Variants in FARS2 observed in about 807,000 individuals in gnomAD.
FARS2 encodes the protein phenylalanine--tRNA ligase, mitochondrial.
A neutral mutation model predicts 46.4 loss-of-function variants in FARS2; 40 were observed. The ratio of observed to expected loss-of-function variants is 0.86; its 90% confidence interval spans 0.67 to 1.12. The LOEUF (loss-of-function observed/expected upper bound fraction) is 1.12, where lower values mean the gene tolerates loss of function less well. FARS2 is among the 50% of genes most tolerant of loss of function. The pLI is 0.00. For synonymous variants in FARS2, 234 were observed against 214.9 expected (o/e 1.09, Z -0.78); for missense variants, 513 against 567.9 (o/e 0.90, Z 0.98).
At chr6:5,588,732 G>A (rs867713182) in intron 5 of FARS2, among the ~76,000 whole-genome samples, 2 of 152,158 alleles carry the variant, frequency 1.3e-5, no homozygotes, top group African/African-American at 4.8e-5. Context: ...TTATTTGATT[G>A]TCCACCAGGC....
At chr6:5,279,910 A>T (rs1183208141) in intron 1 of FARS2, among the ~76,000 whole-genome samples, 1 of 152,238 alleles carries the variant, frequency 6.6e-6, no homozygotes, top group African/African-American at 2.4e-5. Flanking sequence ...ATCCAGAAAC[A>T]TGCTCATAGA....
intron 4 of FARS2, among the ~76,000 whole-genome samples, chr6:5,462,710 A>G (rs751035329): frequency 2.6e-4 from 39 of 152,204 alleles, no homozygotes; most frequent in Non-Finnish European, 4.7e-4. Context: ...AGTCTTGACT[A>G]TTGAAGCTTT....
intron 4 of FARS2, among the ~76,000 whole-genome samples, chr6:5,481,270 G>A (rs998703482): frequency 6.6e-5 from 10 of 152,334 alleles, no homozygotes; most frequent in South Asian, 2.1e-4. Context: ...AGTGCCAGGC[G>A]GACGTGTTAA....
intron 3 of FARS2, among the ~76,000 whole-genome samples, chr6:5,410,747 C>G (rs1332799623): frequency 1.3e-5 from 2 of 152,078 alleles, no homozygotes; most frequent in Non-Finnish European, 2.9e-5. Context: ...GTGTTACAAT[C>G]TCTGTTTTTC....
At chr6:5,611,259 G>A (rs922150737) in intron 5 of FARS2, among the ~76,000 whole-genome samples, 1 of 152,336 alleles carries the variant, frequency 6.6e-6, no homozygotes, top group African/African-American at 2.4e-5. Flanking sequence ...AAGTGAGGTA[G>A]GGAGGGTGGG....
intron 6 of FARS2, among the ~76,000 whole-genome samples, chr6:5,673,802 C>T (rs1265217383): frequency 1.3e-5 from 2 of 152,082 alleles, no homozygotes; most frequent in Non-Finnish European, 2.9e-5. Context: ...CTTGGCACAC[C>T]TTGGTATGTC....
intron 4 of FARS2, among the ~76,000 whole-genome samples, chr6:5,523,915 C>T (rs1169754767): frequency 6.6e-6 from 1 of 152,160 alleles, no homozygotes; most frequent in African/African-American, 2.4e-5. Context: ...GCCACTGTTT[C>T]TTTTCCCTAG....
chr6:5,546,492 C>T (rs202237344), intron 5 of FARS2, among the ~76,000 whole-genome samples: 24 of 151,564 alleles, frequency 1.6e-4, no homozygotes, highest in South Asian at 4.2e-4. Context: ...CCTTGTGATT[C>T]GCCCGCCTTG....
rs138712321 is a variant in FARS2, at chr6:5,649,629, C to T, written c.1217+36309C>T. Among the ~76,000 whole-genome samples, 3 of 152,310 alleles carry T rather than the reference C, an allele frequency of 2.0e-5. No individual in the cohort carries two copies. The East Asian group carries it at 5.8e-4, about 29-fold the overall frequency. On this transcript the variant is annotated intron_variant, in intron 6 of 6. Transcript: ENST00000274680. ...TATCTCATTTAAACTGATGGCAACTCAATAAAGTGAATACTGCAGCTATTA... is the reference window on the plus strand; with the variant it reads ...TATCTCATTTAAACTGATGGCAACTTAATAAAGTGAATACTGCAGCTATTA...
upstream of FARS2, chr6:5,260,714 G>C: frequency 6.4e-7 from 1 of 1,552,040 alleles, no homozygotes; most frequent in Non-Finnish European, 8.7e-7. Context: ...TAACACTTGT[G>C]CGCGACTGGA....
intron 1 of FARS2, among the ~76,000 whole-genome samples, chr6:5,274,090 C>T (rs1197529868): frequency 3.9e-5 from 6 of 152,136 alleles, no homozygotes; most frequent in South Asian, 2.1e-4. Flanking sequence ...GGGTTTCGTA[C>T]GCTCCACAGT....
intron 6 of FARS2, among the ~76,000 whole-genome samples, chr6:5,635,628 C>A (rs1185165857): frequency 6.6e-6 from 1 of 152,078 alleles, no homozygotes; most frequent in East Asian, 1.9e-4. Flanking sequence ...ATGAGAAGGA[C>A]GCCCCATGTA....
At chr6:5,605,552 G>C (rs1210668280) in intron 5 of FARS2, among the ~76,000 whole-genome samples, 1 of 152,174 alleles carries the variant, frequency 6.6e-6, no homozygotes, top group African/African-American at 2.4e-5. Context: ...GGTTCGAGCA[G>C]AGGAACCATA....
chr6:5,691,015 C>T (rs1454166129), intron 6 of FARS2, among the ~76,000 whole-genome samples: 2 of 152,234 alleles, frequency 1.3e-5, no homozygotes, highest in African/African-American at 4.8e-5. Flanking sequence ...GTGCATTCAT[C>T]ACATAGTTCT....
At chr6:5,466,882 T>C (rs1347079992) in intron 4 of FARS2, 1 of 985,304 alleles carries the variant, frequency 1.0e-6, no homozygotes, top group Admixed American at 6.1e-5. Flanking sequence ...TATGGATTCC[T>C]TGAACCCATG....
Position 5,574,591 on chromosome 6 carries a change from G to T in FARS2, c.1065+29251G>T, listed in dbSNP as rs577059226. 1.5e-4 allele frequency among the ~76,000 whole-genome samples: 23 copies of T among 152,288 alleles called. No homozygotes were observed. In the South Asian group the frequency reaches 1.9e-3, roughly 12 times the overall value. The stretch of plus-strand genomic sequence containing the variant: ...CTTTACTCAGATTTTGTGTATCTGT[G>T]TGTGTACAGTAGATTCTCATTATTT... On this transcript the variant is annotated intron_variant, in intron 5 of 6. Coordinates refer to ENST00000274680, the MANE Select transcript of FARS2 (RefSeq NM_006567.5).
At chr6:5,717,458 G>T (rs183004963) in intron 6 of FARS2, among the ~76,000 whole-genome samples, 3 of 151,208 alleles carry the variant, frequency 2.0e-5, no homozygotes, top group African/African-American at 7.3e-5. Flanking sequence ...TGGGTTGTTG[G>T]CCCTGTGCAG....
intron 2 of FARS2, among the ~76,000 whole-genome samples, chr6:5,392,940 G>GTA (rs976890700): frequency 2.6e-3 from 303 of 118,790 alleles, no homozygotes; most frequent in African/African-American, 0.011. Context: ...ATGTGTGTGT[G>GTA]TATATATATA....
In FARS2 at chr6:5,456,604, G is replaced by A. The variant is rs140833908; in HGVS notation, c.904+25432G>A. Among the ~76,000 whole-genome samples the A allele has an allele frequency of 1.4e-3, 212 of 151,634 alleles. 3 individuals are homozygous for A. Among genetic ancestry groups the A allele is most frequent in the African/African-American group, 4.8e-3 (198 of 41,348 alleles). On this transcript the variant is annotated intron_variant, in intron 4 of 6. Coordinates refer to ENST00000274680, the MANE Select transcript of FARS2 (RefSeq NM_006567.5). ...AAAAATTAACCAGGCTTGGTGGTGC[G>A]TGCCTGTAAGCTCAGCCTCATGAGG...
Sources: gnomAD v4.1 joint callset for allele counts (sites outside exome capture counted in the v4.1 genomes callset) on GRCh38, gnomAD v4.1.1 for gene constraint, MANE v1.5 for transcripts, NCBI Gene and HGNC (gene_info 2026-07-23, HGNC 2026-07-21) for gene names.